The following SLC6A16 variants were observed in gnomAD, a reference collection of about 807,000 sequenced individuals.
SLC6A16 encodes orphan sodium- and chloride-dependent neurotransmitter transporter NTT5.
Under a neutral mutation model 65.4 loss-of-function variants are expected in SLC6A16, and 54 were observed. That is an observed-to-expected ratio of 0.83 (90% CI 0.66 to 1.04). The LOEUF (loss-of-function observed/expected upper bound fraction) is 1.04, where lower values mean the gene tolerates loss of function less well. Ranked by LOEUF, SLC6A16 falls within the 50% of genes least tolerant of loss-of-function variation. The probability of loss-of-function intolerance (pLI) is 0.00; values close to 1 mark genes in which losing one functional copy is unlikely to be tolerated. For synonymous variants in SLC6A16, 330 were observed against 346.5 expected (o/e 0.95, Z 0.53); for missense variants, 816 against 914.0 (o/e 0.89, Z 1.38).
chr19:49,338,783 G>A, the SLC6A16 span: 1 of 1,613,936 alleles, frequency 6.2e-7, no homozygotes, highest in Non-Finnish European at 8.5e-7. This position sits in a 1 kb window ranked among gnomAD's most constrained non-coding sequence, Gnocchi z 5.0. Flanking sequence ...CGCACCGCGT[G>A]CCCTGCTCCT....
chr19:49,290,221 G>C lies in SLC6A16; in HGVS notation c.2113C>G (p.Leu705Val). 1 of 1,614,164 alleles carries C rather than the reference G, an allele frequency of 6.2e-7. No individual in the cohort carries two copies. The highest frequency in any genetic ancestry group is 8.5e-7 in the Non-Finnish European group (1 of 1,180,028). Residue 705 changes from leucine (L) to valine (V), a missense_variant, in exon 12 of 12, where the codon CTA becomes GTA. Coordinates refer to ENST00000335875, the MANE Select transcript of SLC6A16 (RefSeq NM_014037.3). ...GPMTASTSLP[L>V]SHQLTPSKEV... ...TTACTGGGTGTTAGCTGGTGACTTA[G>C]GGGTAGGGATGTGGAGGCTGTCATA...
At chr19:49,315,360 C>A (rs1218073272) in intron 1 of SLC6A16, among the ~76,000 whole-genome samples, 2 of 152,204 alleles carry the variant, frequency 1.3e-5, no homozygotes, top group Non-Finnish European at 2.9e-5. Context: ...GTGGGCCACT[C>A]CTCTGTTATT....
At chr19:49,324,159 G>A (rs1306756307) in intron 1 of SLC6A16, among the ~76,000 whole-genome samples, 1 of 152,056 alleles carries the variant, frequency 6.6e-6, no homozygotes, top group Non-Finnish European at 1.5e-5. Context: ...GTGAAACCCC[G>A]TTTCTACTAA....
At chr19:49,338,000 G>C in the SLC6A16 span, 3 of 1,614,020 alleles carry the variant, frequency 1.9e-6, no homozygotes, top group Non-Finnish European at 2.5e-6. Flanking sequence ...GACCGCGGCC[G>C]AGGAGAGCTG....
chr19:49,337,308 A>G, the SLC6A16 span: 2 of 1,297,156 alleles, frequency 1.5e-6, no homozygotes, highest in Non-Finnish European at 1.1e-6. Context: ...AGACCGAAAC[A>G]AGGGCAGACA....
chr19:49,307,051 C>CTTTTTTTTTTTTTTTTTTTTTT (rs1197711801), intron 7 of SLC6A16, among the ~76,000 whole-genome samples: 5 of 61,030 alleles, frequency 8.2e-5, no homozygotes, highest in African/African-American at 1.7e-4. Context: ...GTTTTATACA[C>CTTTTTTTTTTTTTTTTTTTTTT]TTTTTTTTTT....
intron 7 of SLC6A16, 129 bp downstream of exon 7, chr19:49,308,747 T>C (rs757452635): frequency 1.9e-6 from 2 of 1,053,360 alleles, no homozygotes; most frequent in South Asian, 3.0e-5. Context: ...ATGGGGAAGG[T>C]AGAGGGCTTG....
chr19:49,295,116 C>T (rs1970160900), intron 7 of SLC6A16, among the ~76,000 whole-genome samples: 1 of 152,064 alleles, frequency 6.6e-6, no homozygotes, highest in African/African-American at 2.4e-5. Flanking sequence ...CCAACTCCAC[C>T]CCCACCACCA....
At chr19:49,322,052 A>G (rs1043992687) in intron 1 of SLC6A16, among the ~76,000 whole-genome samples, 3 of 152,218 alleles carry the variant, frequency 2.0e-5, no homozygotes, top group Non-Finnish European at 4.4e-5. Flanking sequence ...AGAATGTCTA[A>G]TTTTGCCACT....
At chr19:49,336,016 G>A in the SLC6A16 span, 7 of 577,018 alleles carry the variant, frequency 1.2e-5, no homozygotes, top group African/African-American at 5.6e-5. Context: ...CCTATCTGTC[G>A]GGACTTGTGG....
At chr19:49,334,568 C>T in the SLC6A16 span, among the ~76,000 whole-genome samples, 3 of 152,024 alleles carry the variant, frequency 2.0e-5, no homozygotes, top group Admixed American at 6.6e-5. Context: ...CAGTGGCTCA[C>T]GCCTGTAATC....
the SLC6A16 span, chr19:49,337,098 G>A: frequency 1.2e-6 from 2 of 1,614,034 alleles, no homozygotes; most frequent in Admixed American, 1.7e-5. Flanking sequence ...AATGGCCTGG[G>A]CCGGGGTTGC....
At chr19:49,315,341 C>A (rs1970597045) in intron 1 of SLC6A16, among the ~76,000 whole-genome samples, 1 of 152,188 alleles carries the variant, frequency 6.6e-6, no homozygotes, top group Admixed American at 6.5e-5. Flanking sequence ...CCAGAGAATG[C>A]AACAGCAGGT....
chr19:49,313,072 C>CAAAAAAAAAAAAAAAAAAAAAAAAAAAA (rs5828385), intron 1 of SLC6A16, among the ~76,000 whole-genome samples: 2 of 95,778 alleles, frequency 2.1e-5, no homozygotes, highest in African/African-American at 1.1e-4. Flanking sequence ...AACCCTGTCT[C>CAAAAAAAAAAAAAAAAAAAAAAAAAAAA]AAAAAAAAAA....
At chr19:49,339,531 C>G in the SLC6A16 span, 1 of 1,471,582 alleles carries the variant, frequency 6.8e-7, no homozygotes, top group South Asian at 1.3e-5. This position sits in a 1 kb window ranked among gnomAD's most constrained non-coding sequence, Gnocchi z 4.5. Flanking sequence ...GCAGCCCACC[C>G]CGGCCCTCCC....
chr19:49,313,625 C>CAAAAAAAAAAAAA (rs902187308), intron 1 of SLC6A16, among the ~76,000 whole-genome samples: 1 of 47,382 alleles, frequency 2.1e-5, no homozygotes. Flanking sequence ...ACTAAAAATG[C>CAAAAAAAAAAAAA]AAAAAAAAAA....
In SLC6A16 at chr19:49,309,416, A is replaced by C. The variant is rs1292951708; in HGVS notation, c.877-5T>G. The C allele has an allele frequency of 3.1e-6, 5 of 1,603,332 alleles. No homozygotes were observed. Among genetic ancestry groups the C allele is most frequent in the Non-Finnish European group, 4.3e-6 (5 of 1,170,434 alleles). On this transcript the variant is annotated splice_polypyrimidine_tract_variant and splice_region_variant and intron_variant, in intron 5 of 11. Coordinates refer to ENST00000335875, the MANE Select transcript of SLC6A16 (RefSeq NM_014037.3). ...CAGTACCAAGACATAGATTACCTGA[A>C]TCGAGAGTGGGACATATCAGCAACC... is the stretch of plus-strand genomic sequence containing the variant.
chr19:49,334,222 G>A, the SLC6A16 span, among the ~76,000 whole-genome samples: 4 of 152,206 alleles, frequency 2.6e-5, no homozygotes, highest in Admixed American at 6.5e-5. Context: ...AGTGGCTCAC[G>A]CCCATAATCC....
At chr19:49,338,085 G>C in the SLC6A16 span, 16 of 1,591,518 alleles carry the variant, frequency 1.0e-5, no homozygotes, top group Non-Finnish European at 1.4e-5. The surrounding 1 kb of genome is among the most constrained non-coding windows in gnomAD (Gnocchi z 5.0). Context: ...CCCTGTGCTT[G>C]GAGGAGACTC....
Sources: allele counts gnomAD v4.1 joint callset (sites outside exome capture counted in the v4.1 genomes callset), GRCh38; gene constraint gnomAD v4.1.1; non-coding constraint Gnocchi (gnomAD v3.1); transcripts MANE v1.5; gene names NCBI Gene and HGNC (gene_info 2026-07-23, HGNC 2026-07-21).